Variants in SLC71A2 observed in about 807,000 individuals in gnomAD.
SLC71A2 encodes the protein solute carrier family 71 member 2.
At chr9:94,407,051 G>T in the SLC71A2 span, among the ~76,000 whole-genome samples, 1 of 151,538 alleles carries the variant, frequency 6.6e-6, no homozygotes, top group Non-Finnish European at 1.5e-5. Context: ...GTGAAGTATG[G>T]GTTTTTCATA....
chr9:94,380,385 A>G, the SLC71A2 span, among the ~76,000 whole-genome samples: 2 of 145,762 alleles, frequency 1.4e-5, no homozygotes, highest in Non-Finnish European at 1.5e-5. Flanking sequence ...ATGAAATCTT[A>G]GATATGCTAT....
chr9:94,442,478 G>A, the SLC71A2 span, among the ~76,000 whole-genome samples: 26 of 152,196 alleles, frequency 1.7e-4, no homozygotes, highest in African/African-American at 4.6e-4. Context: ...CTTCAGAGTC[G>A]TGATGGAGGA....
the SLC71A2 span, among the ~76,000 whole-genome samples, chr9:94,443,972 C>T: frequency 6.6e-6 from 1 of 152,118 alleles, no homozygotes; most frequent in African/African-American, 2.4e-5. Flanking sequence ...TCCAAAAATA[C>T]TTGAGTTTTA....
At chr9:94,381,365 T>G in the SLC71A2 span, among the ~76,000 whole-genome samples, 1 of 151,144 alleles carries the variant, frequency 6.6e-6, no homozygotes, top group Admixed American at 6.6e-5. Flanking sequence ...TTTTTTTTTT[T>G]TGTTATTTTA....
the SLC71A2 span, among the ~76,000 whole-genome samples, chr9:94,384,068 T>C: frequency 1.3e-5 from 2 of 152,164 alleles, no homozygotes; most frequent in Admixed American, 1.3e-4. Flanking sequence ...GTAGTGTAAG[T>C]ATATTCACAT....
the SLC71A2 span, among the ~76,000 whole-genome samples, chr9:94,395,262 T>C: frequency 6.6e-6 from 1 of 152,214 alleles, no homozygotes; most frequent in Admixed American, 6.5e-5. Context: ...AATTTGAATG[T>C]ATTTTAGAAT....
At chr9:94,454,025 T>G in the SLC71A2 span, 1 of 1,614,134 alleles carries the variant, frequency 6.2e-7, no homozygotes, top group East Asian at 2.2e-5. Context: ...GGCTTGGGCT[T>G]CCAGATGCTC....
At chr9:94,378,596 C>CT in the SLC71A2 span, among the ~76,000 whole-genome samples, 1 of 152,028 alleles carries the variant, frequency 6.6e-6, no homozygotes, top group African/African-American at 2.4e-5. Flanking sequence ...GAGTGAGACT[C>CT]TGTCTCAAAA....
chr9:94,403,369 C>G, the SLC71A2 span, among the ~76,000 whole-genome samples: 1 of 151,756 alleles, frequency 6.6e-6, no homozygotes, highest in African/African-American at 2.4e-5. Flanking sequence ...AACTCCTGAC[C>G]TAAGGTGATC....
chr9:94,441,354 G>C, the SLC71A2 span, among the ~76,000 whole-genome samples: 1 of 152,138 alleles, frequency 6.6e-6, no homozygotes, highest in Non-Finnish European at 1.5e-5. Context: ...GCCAGAGCAG[G>C]CATCTTCACA....
At chr9:94,436,339 A>G in the SLC71A2 span, among the ~76,000 whole-genome samples, 1 of 152,200 alleles carries the variant, frequency 6.6e-6, no homozygotes, top group African/African-American at 2.4e-5. Context: ...AGATTTTCTC[A>G]GTCTACTGGG....
chr9:94,386,100 A>G, the SLC71A2 span, among the ~76,000 whole-genome samples: 2 of 152,170 alleles, frequency 1.3e-5, no homozygotes, highest in African/African-American at 4.8e-5. Context: ...TCCTGTGGAC[A>G]TAAATGTCTT....
the SLC71A2 span, among the ~76,000 whole-genome samples, chr9:94,390,085 G>A: frequency 6.6e-6 from 1 of 152,146 alleles, no homozygotes; most frequent in East Asian, 1.9e-4. Flanking sequence ...GTGGTGGCGG[G>A]CACCTGTAGT....
the SLC71A2 span, among the ~76,000 whole-genome samples, chr9:94,390,059 A>G: frequency 3.9e-5 from 6 of 152,232 alleles, no homozygotes; most frequent in Admixed American, 2.0e-4. Flanking sequence ...CTAAAAATAC[A>G]AAAAATTAGC....
chr9:94,446,800 G>A, the SLC71A2 span: 1 of 1,260,646 alleles, frequency 7.9e-7, no homozygotes, highest in Non-Finnish European at 1.2e-6. Flanking sequence ...CATTTTAAGT[G>A]TGTTCTTTCT....
At chr9:94,374,625 G>T in the SLC71A2 span, 1 of 153,444 alleles carries the variant, frequency 6.5e-6, no homozygotes, top group Non-Finnish European at 1.4e-5. Context: ...TCCTGGAGCT[G>T]CGGTCTTCTG....
chr9:94,415,109 A>G, the SLC71A2 span: 6 of 1,365,494 alleles, frequency 4.4e-6, no homozygotes, highest in Non-Finnish European at 6.3e-6. Flanking sequence ...TTAAGATAAT[A>G]GATTTCTTAT....
At chr9:94,442,616 T>C in the SLC71A2 span, among the ~76,000 whole-genome samples, 1 of 152,068 alleles carries the variant, frequency 6.6e-6, no homozygotes, top group Admixed American at 6.5e-5. Context: ...TTTGAGAGGC[T>C]GAGGTGGGGG....
At chr9:94,454,216 T>C in the SLC71A2 span, 16 of 606,552 alleles carry the variant, frequency 2.6e-5, no homozygotes, top group Non-Finnish European at 4.7e-5. Flanking sequence ...GGCTTTAATT[T>C]GGGGAAATGT....
Sources: allele counts gnomAD v4.1 joint callset (sites outside exome capture counted in the v4.1 genomes callset), GRCh38; gene constraint gnomAD v4.1.1; transcripts MANE v1.5; gene names NCBI Gene and HGNC (gene_info 2026-07-23, HGNC 2026-07-21).